The following PPP1R1C variants were observed in gnomAD, a reference collection of about 807,000 sequenced individuals.
The protein encoded by PPP1R1C is protein phosphatase 1 regulatory subunit 1C.
PPP1R1C carries 15 observed loss-of-function variants against 17.4 expected under a neutral mutation model. The ratio of observed to expected loss-of-function variants is 0.86; its 90% CI spans 0.58 to 1.33. PPP1R1C has a LOEUF of 1.33. PPP1R1C is among the 40% of genes most tolerant of loss of function. PPP1R1C has a pLI of 0.00. For synonymous variants in PPP1R1C, 35 were observed against 43.1 expected (o/e 0.81, Z 0.73); for missense variants, 143 against 130.0 (o/e 1.10, Z -0.48).
At chr2:182,070,256 C>A (rs1688103563) in intron 4 of PPP1R1C, among the ~76,000 whole-genome samples, 1 of 152,168 alleles carries the variant, frequency 6.6e-6, no homozygotes, top group Non-Finnish European at 1.5e-5. Flanking sequence ...ATGATCATTC[C>A]TCCTGCTCAT....
At position 181,961,866 on chromosome 2, in the gene PPP1R1C, A is replaced by G. The variant is rs1574339853; in HGVS notation, n.111+7232A>G. ...TCATGAAGAGCAGCTCCTCCTTGAG[A>G]GCCTCCATCTCTGTCTCCAGTGGCA... On this transcript the variant is annotated intron_variant and non_coding_transcript_variant, in intron 1 of 5. Transcript: ENST00000464264. The surrounding 1 kb of genome is among the most constrained non-coding windows in gnomAD (Gnocchi z 5.8). The G allele has an allele frequency of 7.1e-6, 6 of 845,432 alleles. No homozygotes were observed. Among genetic ancestry groups the G allele is most frequent in the Non-Finnish European group, 1.2e-5 (6 of 493,924 alleles). 52.4% of individuals were successfully genotyped at this position (845,432 alleles called of 1,614,324 possible). A position where few individuals can be genotyped will look rare whatever the true frequency, so the allele number is the denominator to read the frequency against.
At chr2:182,097,532 G>A (rs1041585534) in intron 4 of PPP1R1C, among the ~76,000 whole-genome samples, 14 of 152,104 alleles carry the variant, frequency 9.2e-5, no homozygotes, top group African/African-American at 3.4e-4. Context: ...GTTTACTACT[G>A]GGATGGGGAC....
intron 4 of PPP1R1C, among the ~76,000 whole-genome samples, chr2:182,102,578 A>G (rs918424221): frequency 2.6e-5 from 4 of 152,148 alleles, no homozygotes; most frequent in Non-Finnish European, 1.5e-5. Flanking sequence ...ATGATTATAA[A>G]TCATATGCAG....
chr2:182,111,881 T>G (rs1179213831), intron 4 of PPP1R1C, among the ~76,000 whole-genome samples: 1 of 152,084 alleles, frequency 6.6e-6, no homozygotes, highest in African/African-American at 2.4e-5. Flanking sequence ...TATAGGATGA[T>G]TTCAGAAAAT....
intron 5 of PPP1R1C, among the ~76,000 whole-genome samples, chr2:182,123,490 T>G (rs1432473110): frequency 6.6e-6 from 1 of 152,222 alleles, no homozygotes; most frequent in Non-Finnish European, 1.5e-5. Flanking sequence ...GTGTTCCTAT[T>G]TCTTCACATC....
intron 4 of PPP1R1C, among the ~76,000 whole-genome samples, chr2:182,086,676 G>C (rs1191687033): frequency 6.6e-6 from 1 of 152,160 alleles, no homozygotes; most frequent in Non-Finnish European, 1.5e-5. Context: ...TTACCAGTAT[G>C]AGAGACTGTT....
At chr2:182,079,696 G>A (rs909024255) in intron 4 of PPP1R1C, among the ~76,000 whole-genome samples, 1 of 152,206 alleles carries the variant, frequency 6.6e-6, no homozygotes, top group Non-Finnish European at 1.5e-5. Flanking sequence ...TCCTCTCACA[G>A]TTGGTGAAGC....
In PPP1R1C at chr2:182,061,479, A is replaced by G; in HGVS notation, c.180A>G (p.Glu60=). The change falls in exon 3 of 5, where the codon GAA becomes GAG. Residue 60 remains glutamate (E), a splice_region_variant and synonymous_variant. Coordinates refer to ENST00000682840, the MANE Select transcript of PPP1R1C (RefSeq NM_001080545.3). ...DDKRGPNTQG[E]LQNASPKQRK... is the part of the protein sequence containing the mutation. Reference sequence around the variant, plus strand: ...AGAGGGGGCCCAACACACAAGGGGAAGTAAGTTTTTAAAAATATTTTGTAT... The same window carrying G: ...AGAGGGGGCCCAACACACAAGGGGAGGTAAGTTTTTAAAAATATTTTGTAT... 1 of 1,467,162 alleles carries G rather than the reference A, an allele frequency of 6.8e-7. No homozygotes were observed. Among genetic ancestry groups the G allele is most frequent in the African/African-American group, 1.5e-5 (1 of 67,500 alleles). 90.9% of individuals were successfully genotyped at this position (1,467,162 alleles called of 1,614,324 possible).
intron 1 of PPP1R1C, among the ~76,000 whole-genome samples, chr2:181,965,221 CA>C (rs1197047996): frequency 6.6e-6 from 1 of 152,134 alleles, no homozygotes; most frequent in Non-Finnish European, 1.5e-5. Context: ...GAATAGTTTG[CA>C]AACATTTTCT....
At chr2:182,046,323 A>T (rs1213530269) in intron 2 of PPP1R1C, among the ~76,000 whole-genome samples, 1 of 152,130 alleles carries the variant, frequency 6.6e-6, no homozygotes, top group Non-Finnish European at 1.5e-5. Flanking sequence ...CCCTGCCCTT[A>T]CCCCATCCCT....
At chr2:182,108,795 G>T (rs774508626) in intron 4 of PPP1R1C, among the ~76,000 whole-genome samples, 1 of 152,038 alleles carries the variant, frequency 6.6e-6, no homozygotes, top group Non-Finnish European at 1.5e-5. Context: ...TGTCTTCCAA[G>T]GTTTTGCAGT....
intron 2 of PPP1R1C, among the ~76,000 whole-genome samples, chr2:182,000,176 G>T (rs7425890): frequency 1.3e-5 from 2 of 152,114 alleles, no homozygotes; most frequent in African/African-American, 2.4e-5. Context: ...CAGTCATTGT[G>T]ATGGTGGCCT....
intron 5 of PPP1R1C, among the ~76,000 whole-genome samples, chr2:182,122,760 G>C (rs1483635301): frequency 6.6e-6 from 1 of 152,200 alleles, no homozygotes; most frequent in African/African-American, 2.4e-5. Context: ...GATAAATCAA[G>C]TAGGTGAAGT....
intron 4 of PPP1R1C, among the ~76,000 whole-genome samples, chr2:182,077,324 C>T (rs1010034560): frequency 1.3e-5 from 2 of 152,086 alleles, no homozygotes; most frequent in African/African-American, 4.8e-5. Context: ...AACGCCTGAT[C>T]GTCTTAATTT....
downstream of PPP1R1C, among the ~76,000 whole-genome samples, chr2:182,121,966 G>A (rs56046085): frequency 0.13 from 19,694 of 152,086 alleles, 1,748 homozygotes; most frequent in Non-Finnish European, 0.2. Context: ...TTGATAAAAT[G>A]TCATCAGTTC....
intron 4 of PPP1R1C, among the ~76,000 whole-genome samples, chr2:182,106,434 G>T (rs1689253162): frequency 6.6e-6 from 1 of 152,190 alleles, no homozygotes; most frequent in South Asian, 2.1e-4. Flanking sequence ...TCGATGATGT[G>T]GACACCAAGG....
intron 4 of PPP1R1C, among the ~76,000 whole-genome samples, chr2:182,100,495 C>T (rs1559093036): frequency 1.4e-5 from 2 of 146,418 alleles, no homozygotes; most frequent in African/African-American, 2.5e-5. Flanking sequence ...AGCAACAGAG[C>T]GAGATTCCAT....
Position 182,027,670 on chromosome 2 carries a change from C to A in PPP1R1C, c.143-33772C>A, listed in dbSNP as rs898617659. ...TCATCAAGGATATTGGTCTAAAATTCTCTTTTTTGGTTGTGTCTCTGCCTG... is the reference window on the plus strand; with the variant it reads ...TCATCAAGGATATTGGTCTAAAATTATCTTTTTTGGTTGTGTCTCTGCCTG... On this transcript the variant is annotated intron_variant, in intron 2 of 4. Transcript: ENST00000682840. 2.5e-3 allele frequency among the ~76,000 whole-genome samples: 372 copies of A among 148,600 alleles called. 4 individuals are homozygous for A. Among genetic ancestry groups the A allele is most frequent in the African/African-American group, 9.0e-3 (352 of 39,200 alleles).
rs1574431318 is a variant in PPP1R1C, at chr2:182,076,181, CTTTTTTTTTTCTTTTCTTTTTTTTTTTTT to C, written c.241+12401_241+12429del. Among the ~76,000 whole-genome samples the C allele has an allele frequency of 1.3e-4, 6 of 47,526 alleles. No homozygotes were observed. The South Asian group carries it at 2.6e-3, about 21-fold the overall frequency. 31.2% of individuals were successfully genotyped at this position (47,526 alleles called of 152,430 possible). A position where few individuals can be genotyped will look rare whatever the true frequency, so the allele number is the denominator to read the frequency against. On this transcript the variant is annotated intron_variant, in intron 4 of 4. Transcript: ENST00000682840. ...TTATCTATAAATCAAGGATTTTGAA[CTTTTTTTTTTCTTTTCTTTTTTTTTTTTT>C]TTTTTTTTTTTTTTTTTTTTTTTTT...
Sources: allele counts gnomAD v4.1 joint callset (sites outside exome capture counted in the v4.1 genomes callset), GRCh38; gene constraint gnomAD v4.1.1; non-coding constraint Gnocchi (gnomAD v3.1); transcripts MANE v1.5; gene names NCBI Gene and HGNC (gene_info 2026-07-23, HGNC 2026-07-21).